The following TSC1 variants were observed in gnomAD, a reference collection of about 807,000 sequenced individuals.
TSC1 encodes the protein TSC complex subunit 1, also known as hamartin.
Under a neutral mutation model 124.3 loss-of-function variants are expected in TSC1, and 20 were observed. The observed-to-expected ratio is 0.16, with a 90% CI of 0.11 to 0.23. TSC1 has a LOEUF of 0.23. TSC1 is among the 10% of genes least tolerant of loss of function. The pLI is 1.00. For missense variants in TSC1, 1,124 were observed against 1,448.5 expected, an observed-to-expected ratio of 0.78 and a Z score of 3.64; for synonymous variants, 493 against 539.1, an observed-to-expected ratio of 0.91 and a Z score of 1.19.
intron 8 of TSC1, among the ~76,000 whole-genome samples, chr9:132,916,652 G>A (rs1287281437): frequency 2.0e-5 from 3 of 151,942 alleles, no homozygotes; most frequent in Non-Finnish European, 4.4e-5. Flanking sequence ...ACTTTTTTGT[G>A]TGTCTATTGC....
intron 8 of TSC1, among the ~76,000 whole-genome samples, chr9:132,913,552 C>T (rs543154413): frequency 6.6e-6 from 1 of 151,908 alleles, no homozygotes; most frequent in South Asian, 2.1e-4. Context: ...TCTTGACGTA[C>T]ATACAGAAGT....
At chr9:132,914,292 T>C (rs1846147298) in intron 8 of TSC1, among the ~76,000 whole-genome samples, 1 of 152,112 alleles carries the variant, frequency 6.6e-6, no homozygotes. Context: ...CATACAACAA[T>C]GTTCAGCACA....
Position 132,902,530 on chromosome 9 carries a change from G to A in TSC1, c.2391+75C>T, listed in dbSNP as rs1479822531. Reference sequence around the variant, plus strand: ...AGCTGAACAAGTCAAGGACACCCAGGGAAACTGACTGCCTCCCTCCCCACT... The same window carrying A: ...AGCTGAACAAGTCAAGGACACCCAGAGAAACTGACTGCCTCCCTCCCCACT... On this transcript the variant is annotated intron_variant, in intron 18 of 22. Transcript: ENST00000298552. This position sits in a 1 kb window ranked among gnomAD's most constrained non-coding sequence, Gnocchi z 5.2. 1 of 1,571,686 alleles carries A rather than the reference G, an allele frequency of 6.4e-7. No individual in the cohort carries two copies. Among genetic ancestry groups the A allele is most frequent in the Non-Finnish European group, 8.7e-7 (1 of 1,143,760 alleles).
chr9:132,925,297 G>A (rs1255793604), intron 5 of TSC1, among the ~76,000 whole-genome samples: 1 of 152,166 alleles, frequency 6.6e-6, no homozygotes, highest in Admixed American at 6.5e-5. Flanking sequence ...TTTTAAATGA[G>A]GGAAGGCTAA....
intron 5 of TSC1, chr9:132,924,894 T>C (rs1325052723): frequency 6.5e-6 from 1 of 152,838 alleles, no homozygotes; most frequent in Non-Finnish European, 1.5e-5. Flanking sequence ...ATGAATCCAA[T>C]GGTACTGCCA....
rs777386691 is a variant in TSC1 at position 132,897,614 on chromosome 9, A to T, written c.2626-4T>A. On this transcript the variant is annotated splice_region_variant and splice_polypyrimidine_tract_variant and intron_variant, in intron 20 of 22. Transcript: ENST00000298552. ...CGGCTTTCATCATTTCTACTTCCTGAAAAAAAAAAAAAAAAAAGACTGGAA... is the reference window on the plus strand; with the variant it reads ...CGGCTTTCATCATTTCTACTTCCTGTAAAAAAAAAAAAAAAAAGACTGGAA... 16 of 548,608 alleles carry T rather than the reference A, an allele frequency of 2.9e-5. No individual in the cohort carries two copies. The highest frequency in any genetic ancestry group is 7.3e-5 in the East Asian group (1 of 13,656). The allele number at this position is 548,608 out of a possible 1,614,324, so 34.0% of individuals were successfully genotyped here. A position where few individuals can be genotyped will look rare whatever the true frequency, so the allele number is the denominator to read the frequency against.
chr9:132,933,900 T>C (rs1170475594), intron 2 of TSC1, among the ~76,000 whole-genome samples: 1 of 152,198 alleles, frequency 6.6e-6, no homozygotes, highest in Non-Finnish European at 1.5e-5. Context: ...TTCAAATTCA[T>C]ATACAGTGGA....
In TSC1 at chr9:132,896,733, C is replaced by G. The variant is rs1437222540; in HGVS notation, c.2997G>C (p.Gly999=). Reference sequence around the variant, plus strand: ...TGTGCCCTACCATGGAATCTGAGCACCCGTCATTACAACAGTCAAGCCTGT... The same window carrying G: ...TGTGCCCTACCATGGAATCTGAGCAGCCGTCATTACAACAGTCAAGCCTGT... ...AEERLDCCND[G]CSDSMVGHNE... Residue 999 remains glycine, a synonymous_variant, in exon 23 of 23, where the codon GGG becomes GGC. Coordinates refer to ENST00000298552, the MANE Select transcript of TSC1 (RefSeq NM_000368.5). This position sits in a 1 kb window ranked among gnomAD's most constrained non-coding sequence, Gnocchi z 4.5. 1 of 1,613,746 alleles carries G rather than the reference C, an allele frequency of 6.2e-7. No homozygotes were observed. Among genetic ancestry groups the G allele is most frequent in the East Asian group, 2.2e-5 (1 of 44,880 alleles).
chr9:132,939,148 C>T (rs899868869), intron 1 of TSC1: 6 of 152,128 alleles, frequency 3.9e-5, no homozygotes, highest in Admixed American at 1.3e-4. Flanking sequence ...GTTAATGTTC[C>T]GCTCTGGCTC....
At chr9:132,910,360 A>G in intron 12 of TSC1, 1 of 809,970 alleles carries the variant, frequency 1.2e-6, no homozygotes, top group Non-Finnish European at 2.0e-6. Context: ...GTTCCCCACA[A>G]GAGTTCTGCC....
At chr9:132,940,473 C>T (rs1847676581) in intron 1 of TSC1, among the ~76,000 whole-genome samples, 1 of 152,166 alleles carries the variant, frequency 6.6e-6, no homozygotes, top group Admixed American at 6.5e-5. Context: ...CACCTTCCCA[C>T]CACCACCAAA....
intron 12 of TSC1, 117 bp from the exon 13 acceptor site, chr9:132,907,487 G>A (rs1845734317): frequency 2.3e-6 from 2 of 861,656 alleles, no homozygotes; most frequent in South Asian, 2.8e-5. Flanking sequence ...TTGTTGGGAT[G>A]TTTTCTTTTC....
intron 11 of TSC1, 118 bp downstream of exon 11, chr9:132,910,884 T>C (rs1845920255): frequency 2.3e-6 from 3 of 1,298,438 alleles, no homozygotes; most frequent in Non-Finnish European, 3.3e-6. Flanking sequence ...GGATTTGCAA[T>C]AAGTGTCAAA....
rs756989263 is a variant in TSC1 at position 132,928,882 on chromosome 9, C to T, written c.-10G>A. ...TTGCTTGTTGGGCCATTCTCTCGCT[C>T]GAAGGCGCTGTGCTGGCTCCAGGAC... is the stretch of plus-strand genomic sequence containing the variant. On this transcript the variant is annotated 5_prime_UTR_variant, in exon 3 of 23. Transcript: ENST00000298552. 5.6e-6 allele frequency: 9 copies of T among 1,613,844 alleles called. No individual in the cohort carries two copies. In the East Asian group the frequency reaches 6.7e-5, roughly 12 times the overall value.
Position 132,903,836 on chromosome 9 carries a change from G to A in TSC1, c.2042-19C>T, listed in dbSNP as rs2131775834. ...GGAGAGCCTGATTGTAAAGCAGAGG[G>A]AGGGTGGCAGAAATGCCTTTTACAG... On this transcript the variant is annotated intron_variant, in intron 16 of 22. Transcript: ENST00000298552. The surrounding 1 kb of genome is among the most constrained non-coding windows in gnomAD (Gnocchi z 5.9). The A allele has an allele frequency of 6.2e-7, 1 of 1,613,530 alleles. No individual in the cohort carries two copies. The highest frequency in any genetic ancestry group is 8.5e-7 in the Non-Finnish European group (1 of 1,180,022).
At position 132,892,201 on chromosome 9, in the gene TSC1, G is replaced by A. The variant is rs1409625507; in HGVS notation, c.*4034C>T. ...CCCGGACAGGCAAACAAGCCACATGGGACAAGGGTCACAGCAGCAGCCTAG... is the reference window on the plus strand; with the variant it reads ...CCCGGACAGGCAAACAAGCCACATGAGACAAGGGTCACAGCAGCAGCCTAG... On this transcript the variant is annotated 3_prime_UTR_variant, in exon 23 of 23. Transcript: ENST00000298552. 5.1e-5 allele frequency: 12 copies of A among 233,228 alleles called. No individual in the cohort carries two copies. Among genetic ancestry groups the A allele is most frequent in the African/African-American group, 2.2e-4 (10 of 45,326 alleles). The allele number at this position is 233,228 out of a possible 1,614,324, so 14.4% of individuals were successfully genotyped here. A position where few individuals can be genotyped will look rare whatever the true frequency, so the allele number is the denominator to read the frequency against.
At chr9:132,918,055 A>C (rs566720898) in intron 8 of TSC1, among the ~76,000 whole-genome samples, 1 of 152,326 alleles carries the variant, frequency 6.6e-6, no homozygotes, top group Non-Finnish European at 1.5e-5. Flanking sequence ...AAGCTGACTG[A>C]GGAGCCTTCC....
intron 11 of TSC1, 96 bp from the exon 12 acceptor site, chr9:132,910,788 G>C: frequency 3.8e-6 from 6 of 1,569,062 alleles, no homozygotes; most frequent in Non-Finnish European, 5.3e-6. Flanking sequence ...TATAAATAAA[G>C]CTGCTAGAGT....
intron 1 of TSC1, chr9:132,943,598 G>T (rs1847865364): frequency 6.6e-6 from 1 of 152,166 alleles, no homozygotes; most frequent in African/African-American, 2.4e-5. Flanking sequence ...TGCTCTCTCC[G>T]GGCCTCAGTT....
Sources: allele counts gnomAD v4.1 joint callset (sites outside exome capture counted in the v4.1 genomes callset), GRCh38; gene constraint gnomAD v4.1.1; non-coding constraint Gnocchi (gnomAD v3.1); transcripts MANE v1.5; gene names NCBI Gene and HGNC (gene_info 2026-07-23, HGNC 2026-07-21).